IMMT: variants seen among roughly 807,000 people sequenced by gnomAD.
IMMT encodes the protein MICOS complex subunit MIC60.
A neutral mutation model predicts 92.7 loss-of-function variants in IMMT; 40 were observed. The observed-to-expected ratio is 0.43, with a 90% CI of 0.34 to 0.56. The LOEUF is 0.56. Ranked by LOEUF, IMMT falls within the 20% of genes least tolerant of loss-of-function variation. The probability of loss-of-function intolerance (pLI) is 0.03; values close to 1 mark genes in which losing one functional copy is unlikely to be tolerated. For missense variants in IMMT, 831 were observed against 912.1 expected (o/e 0.91, Z 1.14); for synonymous variants, 322 against 336.1 (o/e 0.96, Z 0.46).
At chr2:86,158,211 A>C (rs759174042) in intron 10 of IMMT, among the ~76,000 whole-genome samples, 1 of 152,274 alleles carries the variant, frequency 6.6e-6, no homozygotes, top group African/African-American at 2.4e-5. Flanking sequence ...ATAATTCACT[A>C]CAAATACTTT....
At chr2:86,162,546 T>TAA (rs556016411) in intron 7 of IMMT, among the ~76,000 whole-genome samples, 35 of 144,674 alleles carry the variant, frequency 2.4e-4, no homozygotes, top group African/African-American at 8.5e-4. Context: ...AAATGTGTAT[T>TAA]AAAAAAAAAA....
chr2:86,159,897 A>T (rs532399658), intron 8 of IMMT: 6 of 332,002 alleles, frequency 1.8e-5, no homozygotes, highest in African/African-American at 8.5e-5. Context: ...CTATTTTATT[A>T]AAAAAACTAA....
At chr2:86,190,741 G>A (rs947265197) in intron 1 of IMMT, among the ~76,000 whole-genome samples, 1 of 152,200 alleles carries the variant, frequency 6.6e-6, no homozygotes, top group South Asian at 2.1e-4. Flanking sequence ...TGTAATCCCA[G>A]CACTTTGGGA....
chr2:86,149,654 G>C (rs1329960313), intron 12 of IMMT, among the ~76,000 whole-genome samples: 2 of 152,124 alleles, frequency 1.3e-5, no homozygotes, highest in African/African-American at 4.8e-5. Flanking sequence ...AAGGCAGGTG[G>C]ATCACTTGAG....
chr2:86,164,546 C>A (rs1676528706), intron 7 of IMMT, among the ~76,000 whole-genome samples: 1 of 151,748 alleles, frequency 6.6e-6, no homozygotes, highest in African/African-American at 2.4e-5. Flanking sequence ...CAAAAATTAG[C>A]CAGGTGTGGT....
chr2:86,167,477 G>GT (rs796945734), intron 6 of IMMT, among the ~76,000 whole-genome samples: 644 of 39,370 alleles, frequency 0.016, 16 homozygotes, highest in African/African-American at 0.046. Context: ...CCGGTTTTTT[G>GT]TTTTTTGTTT....
At chr2:86,150,952 C>T (rs1215838736) in intron 12 of IMMT, among the ~76,000 whole-genome samples, 1 of 150,632 alleles carries the variant, frequency 6.6e-6, no homozygotes, top group African/African-American at 2.4e-5. Context: ...AGTCTTGCTC[C>T]ATCGCCCAAG....
chr2:86,144,720 T>G lies in IMMT; in HGVS notation c.1825A>C (p.Thr609Pro). ...GGGATAGCTGCGGTTAAAGCTTGGG[T>G]GAATTCATTATCAGAACAGTTGGCT... ...IKANCSDNEFTQALTAAIPPE... is the reference protein window; with the variant it reads ...IKANCSDNEFPQALTAAIPPE... Residue 609 changes from threonine (T) to proline (P), a missense_variant, in exon 15 of 15, where the codon ACC becomes CCC. Transcript: ENST00000410111. 1 of 1,613,854 alleles carries G rather than the reference T, an allele frequency of 6.2e-7. No homozygotes were observed. The highest frequency in any genetic ancestry group is 8.5e-7 in the Non-Finnish European group (1 of 1,179,882).
chr2:86,153,578 C>A lies in IMMT; in HGVS notation c.1163-4G>T, dbSNP rs371209443. 38 of 1,466,262 alleles carry A rather than the reference C, an allele frequency of 2.6e-5. No homozygotes were observed. Among genetic ancestry groups the A allele is most frequent in the Non-Finnish European group, 3.4e-5 (37 of 1,087,016 alleles). The allele number at this position is 1,466,262 out of a possible 1,614,324, so 90.8% of individuals were successfully genotyped here. On this transcript the variant is annotated splice_region_variant and splice_polypyrimidine_tract_variant and intron_variant, in intron 10 of 14. Coordinates refer to ENST00000410111, the MANE Select transcript of IMMT (RefSeq NM_006839.3). ...CACTCACCTAAGTCTGAAACACCTA[C>A]AAAGGAAAAAATAGAACAGTTTGAA...
chr2:86,190,990 T>C (rs918343300), intron 1 of IMMT, among the ~76,000 whole-genome samples: 24 of 151,702 alleles, frequency 1.6e-4, no homozygotes, highest in Admixed American at 1.4e-3. Context: ...AGATACTATC[T>C]GTGATGGTTC....
chr2:86,147,873 CCA>C, intron 12 of IMMT, 40 bp from the exon 13 acceptor site: 1 of 1,595,838 alleles, frequency 6.3e-7, no homozygotes, highest in Non-Finnish European at 8.5e-7. Flanking sequence ...TTTCAATTCT[CCA>C]CATATACTTT....
intron 3 of IMMT, among the ~76,000 whole-genome samples, chr2:86,175,062 C>T (rs749057257): frequency 6.6e-6 from 1 of 152,192 alleles, no homozygotes; most frequent in Non-Finnish European, 1.5e-5. Flanking sequence ...TTCACATTCT[C>T]ATAATTAAAG....
chr2:86,158,394 T>A (rs1676012499), intron 10 of IMMT, 198 bp downstream of exon 10: 5 of 421,832 alleles, frequency 1.2e-5, no homozygotes, highest in Admixed American at 3.5e-5. Flanking sequence ...GAACTCATGT[T>A]CACCACAGCT....
chr2:86,166,609 T>C lies in IMMT; in HGVS notation c.691A>G (p.Thr231Ala), dbSNP rs556796647. 9 of 1,613,148 alleles carry C rather than the reference T, an allele frequency of 5.6e-6. No individual in the cohort carries two copies. In the East Asian group the frequency reaches 1.8e-4, roughly 32 times the overall value. ...AKSLEDALRQ[T>A]ASVTLQAIAA... ...ATAGCCTGCAGAGTGACACTTGCAG[T>C]TTGCCTCAGAGCATCTTCTAAGCTC... The change falls in exon 7 of 15, where the codon ACT (threonine) becomes GCT (alanine). Residue 231 changes from threonine to alanine, a missense_variant. Coordinates refer to ENST00000410111, the MANE Select transcript of IMMT (RefSeq NM_006839.3).
At chr2:86,168,638 A>C (rs1676883303) in intron 6 of IMMT, among the ~76,000 whole-genome samples, 1 of 152,146 alleles carries the variant, frequency 6.6e-6, no homozygotes, top group East Asian at 1.9e-4. Context: ...AAATTAATTA[A>C]ATAAATGATA....
rs1676092240 is a variant in IMMT, at chr2:86,159,311, C to G, written c.1032+225G>C. On this transcript the variant is annotated intron_variant, in intron 9 of 14. Coordinates refer to ENST00000410111, the MANE Select transcript of IMMT (RefSeq NM_006839.3). The stretch of plus-strand genomic sequence containing the variant: ...TGTTGCCCAGGCTGGTCTCAAACTC[C>G]TGGGCTCAAGTTATCTGCCCACCTC... 6.9e-6 allele frequency: 4 copies of G among 576,174 alleles called. No homozygotes were observed. In the East Asian group the frequency reaches 1.4e-4, roughly 21 times the overall value. The allele number at this position is 576,174 out of a possible 1,614,324, so 35.7% of individuals were successfully genotyped here. A position where few individuals can be genotyped will look rare whatever the true frequency, so the allele number is the denominator to read the frequency against.
At chr2:86,186,225 G>A (rs766142567) in intron 1 of IMMT, among the ~76,000 whole-genome samples, 9 of 152,178 alleles carry the variant, frequency 5.9e-5, no homozygotes, top group Non-Finnish European at 1.0e-4. Flanking sequence ...TAATGCTGAT[G>A]CTTTGATGGC....
chr2:86,166,125 A>G (rs1215615916), intron 7 of IMMT, among the ~76,000 whole-genome samples: 4 of 152,206 alleles, frequency 2.6e-5, no homozygotes, highest in Non-Finnish European at 5.9e-5. Flanking sequence ...TGAGGTCAAG[A>G]GTTCCAGTCC....
intron 2 of IMMT, among the ~76,000 whole-genome samples, 166 bp downstream of exon 2, chr2:86,181,133 C>A (rs1672406697): frequency 6.6e-6 from 1 of 152,162 alleles, no homozygotes; most frequent in African/African-American, 2.4e-5. Flanking sequence ...TTTTTACCTA[C>A]AAACAATGCT....
Sources: allele counts gnomAD v4.1 joint callset (sites outside exome capture counted in the v4.1 genomes callset), GRCh38; gene constraint gnomAD v4.1.1; transcripts MANE v1.5; gene names NCBI Gene and HGNC (gene_info 2026-07-23, HGNC 2026-07-21).